The following FBXL2 variants were observed in gnomAD, a reference collection of about 807,000 sequenced individuals.
FBXL2 encodes F-box and leucine rich repeat protein 2, also known as F-box/LRR-repeat protein 2.
Under a neutral mutation model 69.2 loss-of-function variants are expected in FBXL2, and 38 were observed. The observed-to-expected ratio is 0.55, with a 90% CI of 0.42 to 0.72. The LOEUF is 0.72. FBXL2 is among the 30% of genes least tolerant of loss of function. FBXL2 has a pLI of 0.00. For synonymous variants in FBXL2, 192 were observed against 201.3 expected, an observed-to-expected ratio of 0.95 and a Z score of 0.39; for missense variants, 354 against 520.3, an observed-to-expected ratio of 0.68 and a Z score of 3.11.
chr3:33,397,130 C>T, intron 12 of FBXL2: 2 of 1,587,326 alleles, frequency 1.3e-6, no homozygotes, highest in Non-Finnish European at 1.7e-6. Context: ...TTTAATAAGT[C>T]GGCACCTAGA....
intron 9 of FBXL2, 46 bp downstream of exon 9, chr3:33,373,967 C>T (rs1301861950): frequency 3.8e-6 from 6 of 1,595,006 alleles, no homozygotes; most frequent in Non-Finnish European, 5.2e-6. Flanking sequence ...TATCTTGTCT[C>T]CCAAAGCAGT....
At chr3:33,309,687 T>G (rs1326305474) in intron 2 of FBXL2, among the ~76,000 whole-genome samples, 1 of 152,218 alleles carries the variant, frequency 6.6e-6, no homozygotes, top group Non-Finnish European at 1.5e-5. Flanking sequence ...CCTTCATTCT[T>G]CTTTTTCACG....
At chr3:33,378,885 G>A (rs1463915937) in intron 13 of FBXL2, 144 bp downstream of exon 13, 15 of 1,446,794 alleles carry the variant, frequency 1.0e-5, no homozygotes, top group Non-Finnish European at 1.3e-5. Flanking sequence ...AACTTGGGAG[G>A]CAAGGTATCT....
intron 1 of FBXL2, among the ~76,000 whole-genome samples, chr3:33,290,226 T>C (rs2035082831): frequency 6.6e-6 from 1 of 152,200 alleles, no homozygotes; most frequent in African/African-American, 2.4e-5. Flanking sequence ...CCTGAAATTA[T>C]TATAAGGCAA....
At chr3:33,393,146 G>T in intron 12 of FBXL2, 1 of 733,916 alleles carries the variant, frequency 1.4e-6, no homozygotes, top group Non-Finnish European at 2.0e-6. Context: ...TCACTAGGAT[G>T]CCTGAAACTC....
At chr3:33,286,572 C>G (rs922505333) in intron 1 of FBXL2, among the ~76,000 whole-genome samples, 15 of 152,242 alleles carry the variant, frequency 9.9e-5, no homozygotes, top group Admixed American at 9.2e-4. Flanking sequence ...AGCTGTCAGA[C>G]AGGGACATTT....
chr3:33,360,152 G>T (rs993687775), intron 4 of FBXL2, among the ~76,000 whole-genome samples: 1 of 151,980 alleles, frequency 6.6e-6, no homozygotes, highest in Non-Finnish European at 1.5e-5. Flanking sequence ...TAGTGGAAAT[G>T]CATTTTAATT....
rs72863735 is a variant in FBXL2 at position 33,343,228 on chromosome 3, A to G, written c.66-15739A>G. ...TCTATGTATATGTAGGTCTAGTTCT[A>G]ACATGTAGCATAATACCAATATAAT... On this transcript the variant is annotated intron_variant, in intron 2 of 14. Coordinates refer to ENST00000484457, the MANE Select transcript of FBXL2 (RefSeq NM_012157.5). Among the ~76,000 whole-genome samples, 631 of 152,186 alleles carry G rather than the reference A, an allele frequency of 4.1e-3. 6 individuals carry two copies. Among genetic ancestry groups the G allele is most frequent in the African/African-American group, 0.014 (601 of 41,550 alleles).
At chr3:33,297,614 A>G in intron 1 of FBXL2, 50 bp from the exon 2 acceptor site, 1 of 1,171,084 alleles carries the variant, frequency 8.5e-7, no homozygotes, top group Non-Finnish European at 1.2e-6. Context: ...AATTTTTTCC[A>G]CATTGATTAA....
intron 5 of FBXL2, among the ~76,000 whole-genome samples, chr3:33,369,387 C>A (rs2042151418): frequency 6.6e-6 from 1 of 151,786 alleles, no homozygotes; most frequent in Non-Finnish European, 1.5e-5. Flanking sequence ...ATTTTATATT[C>A]TTTTTTAGCT....
At chr3:33,298,904 A>T (rs1190301274) in intron 2 of FBXL2, among the ~76,000 whole-genome samples, 3 of 151,996 alleles carry the variant, frequency 2.0e-5, no homozygotes, top group Admixed American at 6.6e-5. Flanking sequence ...GTAGTCCTAT[A>T]GGGTTAACAA....
intron 5 of FBXL2, among the ~76,000 whole-genome samples, chr3:33,370,732 C>A (rs150797369): frequency 5.9e-5 from 9 of 152,254 alleles, no homozygotes; most frequent in African/African-American, 1.9e-4. Context: ...CCTCCCACCT[C>A]AGCCTCCCAA....
intron 2 of FBXL2, among the ~76,000 whole-genome samples, chr3:33,345,710 A>G (rs770378920): frequency 5.9e-5 from 9 of 152,222 alleles, no homozygotes; most frequent in Non-Finnish European, 8.8e-5. Context: ...ACAGACCACA[A>G]TGAGTTAAAC....
chr3:33,419,420 G>C, the FBXL2 span, among the ~76,000 whole-genome samples: 3 of 152,172 alleles, frequency 2.0e-5, no homozygotes, highest in Non-Finnish European at 2.9e-5. Context: ...ACGAGGTCAG[G>C]AGTTTGAGAC....
chr3:33,345,639 A>T (rs185477875), intron 2 of FBXL2, among the ~76,000 whole-genome samples: 2 of 152,334 alleles, frequency 1.3e-5, no homozygotes, highest in Admixed American at 1.3e-4. Flanking sequence ...ACCAAGATAG[A>T]CCACATTCTA....
At chr3:33,390,597 C>T (rs967439063), downstream of FBXL2, 1 of 580,888 alleles carries the variant, frequency 1.7e-6, no homozygotes, top group African/African-American at 1.9e-5. Flanking sequence ...CTATCAACGC[C>T]CGCATTCCAA....
At chr3:33,392,710 C>G, downstream of FBXL2, 1 of 1,218,370 alleles carries the variant, frequency 8.2e-7, no homozygotes, top group Non-Finnish European at 1.2e-6. Context: ...CAAACAAACA[C>G]AGGACTCAAT....
chr3:33,322,427 C>T (rs1559540125), intron 2 of FBXL2, among the ~76,000 whole-genome samples: 2 of 151,810 alleles, frequency 1.3e-5, no homozygotes, highest in Non-Finnish European at 2.9e-5. Flanking sequence ...TTCATAATAA[C>T]AAAAATCCTA....
At chr3:33,327,893 G>T (rs980588086) in intron 2 of FBXL2, among the ~76,000 whole-genome samples, 3 of 148,492 alleles carry the variant, frequency 2.0e-5, no homozygotes, top group African/African-American at 7.4e-5. Context: ...TGGAAAGGAA[G>T]AAGTCAAATT....
Sources: allele counts gnomAD v4.1 joint callset (sites outside exome capture counted in the v4.1 genomes callset), GRCh38; gene constraint gnomAD v4.1.1; transcripts MANE v1.5; gene names NCBI Gene and HGNC (gene_info 2026-07-23, HGNC 2026-07-21).